PHF19: variants seen among roughly 807,000 people sequenced by gnomAD.
PHF19 encodes the protein PHD finger protein 19, also known as polycomb like 3.
A neutral mutation model predicts 79.8 loss-of-function variants in PHF19; 21 were observed. The ratio of observed to expected loss-of-function variants is 0.26; its 90% confidence interval spans 0.19 to 0.38. The LOEUF (loss-of-function observed/expected upper bound fraction) is 0.38, where lower values mean the gene tolerates loss of function less well. PHF19 is among the 10% of genes least tolerant of loss of function. The pLI, the probability that PHF19 is intolerant of heterozygous loss-of-function variation, is 1.00. For missense variants in PHF19, 445 were observed against 744.2 expected, an observed-to-expected ratio of 0.60 and a Z score of 4.68; for synonymous variants, 273 against 296.3, an observed-to-expected ratio of 0.92 and a Z score of 0.81.
At chr9:120,882,621 C>A (rs1437675999) in intron 1 of PHF19, among the ~76,000 whole-genome samples, 2 of 152,016 alleles carry the variant, frequency 1.3e-5, no homozygotes, top group Non-Finnish European at 2.9e-5. Context: ...GTGGGCGGAT[C>A]ACCTGAGGTC....
intron 6 of PHF19, among the ~76,000 whole-genome samples, chr9:120,867,763 T>C (rs1171513673): frequency 6.6e-6 from 1 of 152,210 alleles, no homozygotes; most frequent in African/African-American, 2.4e-5. Context: ...AGTTCAAGCT[T>C]TGCCCAAGTT....
Position 120,869,438 on chromosome 9 carries a change from A to G in PHF19, c.466-108T>C. 7.3e-7 allele frequency: 1 copy of G among 1,369,332 alleles called. No individual in the cohort carries two copies. The highest frequency in any genetic ancestry group is 9.8e-7 in the Non-Finnish European group (1 of 1,018,844). 84.8% of individuals were successfully genotyped at this position (1,369,332 alleles called of 1,614,324 possible). ...TGCTGCCAGGGCTTGGGGGACCCGC[A>G]GATATTCCAATATAGTCAGAAAAGC... On this transcript the variant is annotated intron_variant, in intron 5 of 14. Coordinates refer to ENST00000373896, the MANE Select transcript of PHF19 (RefSeq NM_015651.3). The surrounding 1 kb of genome is among the most constrained non-coding windows in gnomAD (Gnocchi z 5.8).
upstream of PHF19, among the ~76,000 whole-genome samples, chr9:120,878,144 C>T (rs1268894305): frequency 1.3e-5 from 2 of 152,210 alleles, no homozygotes; most frequent in East Asian, 3.9e-4. Flanking sequence ...CCGAAATAGC[C>T]CCAAACAACA....
At chr9:120,859,490 A>G (rs1035187436) in intron 14 of PHF19, among the ~76,000 whole-genome samples, 2 of 152,144 alleles carry the variant, frequency 1.3e-5, no homozygotes, top group African/African-American at 4.8e-5. Context: ...GCTTGAGTGC[A>G]GAGGAAAGCC....
Position 120,862,026 on chromosome 9 carries a change from G to C in PHF19, c.1131-21C>G, listed in dbSNP as rs774276725. 10 of 1,591,980 alleles carry C rather than the reference G, an allele frequency of 6.3e-6. No individual in the cohort carries two copies. The highest frequency in any genetic ancestry group is 6.9e-6 in the Non-Finnish European group (8 of 1,159,904). On this transcript the variant is annotated intron_variant, in intron 11 of 14. Transcript: ENST00000373896. The surrounding 1 kb of genome is among the most constrained non-coding windows in gnomAD (Gnocchi z 4.6). ...ACAAACTGTGGAGACAGAAGAGGGA[G>C]AAGGTGGCCCCGTCAGAGCCTGAGG...
rs748894723 is a variant in PHF19 at position 120,865,879 on chromosome 9, C to G, written c.780-49G>C. The stretch of plus-strand genomic sequence containing the variant: ...GGACCAGGTGAGGTGGCAGCCTGCT[C>G]AGCCAGGGTCACAGCTTTCTGGGTC... On this transcript the variant is annotated intron_variant, in intron 8 of 14. Transcript: ENST00000373896. The G allele has an allele frequency of 3.7e-6, 6 of 1,613,136 alleles. No homozygotes were observed. The South Asian group carries it at 6.6e-5, about 18-fold the overall frequency.
chr9:120,865,339 G>A (rs763709679), intron 9 of PHF19, among the ~76,000 whole-genome samples: 13 of 152,324 alleles, frequency 8.5e-5, no homozygotes, highest in East Asian at 5.8e-4. Context: ...ATTTCACTCC[G>A]TGGATCTGAG....
intron 10 of PHF19, 102 bp downstream of exon 10, chr9:120,863,947 T>G: frequency 1.1e-6 from 1 of 918,556 alleles, no homozygotes; most frequent in Non-Finnish European, 1.7e-6. Context: ...AGAAGGGGAG[T>G]ATCAGAGAGG....
upstream of PHF19, among the ~76,000 whole-genome samples, chr9:120,895,541 C>T (rs558965504): frequency 3.3e-5 from 5 of 151,816 alleles, no homozygotes; most frequent in Admixed American, 2.6e-4. Context: ...AAGCATAGAA[C>T]CCCCCAGTGA....
chr9:120,857,851 T>G lies in PHF19; in HGVS notation c.*93A>C. 1.3e-6 allele frequency: 1 copy of G among 757,516 alleles called. No homozygotes were observed. The highest frequency in any genetic ancestry group is 2.1e-6 in the Non-Finnish European group (1 of 475,744). 46.9% of individuals were successfully genotyped at this position (757,516 alleles called of 1,614,324 possible). A position where few individuals can be genotyped will look rare whatever the true frequency, so the allele number is the denominator to read the frequency against. On this transcript the variant is annotated 3_prime_UTR_variant, in exon 15 of 15. Coordinates refer to ENST00000373896, the MANE Select transcript of PHF19 (RefSeq NM_015651.3). ...GCACTTGCAGCTCTGTCCTGCTTCC[T>G]TCTCCCACCCCAGCCTGGAGAAAGC... is the stretch of plus-strand genomic sequence containing the variant.
rs1809948926 is a variant in PHF19 at position 120,862,847 on chromosome 9, G to A, written c.969-98C>T. On this transcript the variant is annotated intron_variant, in intron 10 of 14. Coordinates refer to ENST00000373896, the MANE Select transcript of PHF19 (RefSeq NM_015651.3). This position sits in a 1 kb window ranked among gnomAD's most constrained non-coding sequence, Gnocchi z 4.6. ...TGACACAAGCCTCTCTGCCTCCTTG[G>A]ACCCAGAGCTAAAATCCGGATGGTC... 4 of 1,145,738 alleles carry A rather than the reference G, an allele frequency of 3.5e-6. No homozygotes were observed. Among genetic ancestry groups the A allele is most frequent in the Admixed American group, 3.7e-5 (2 of 54,732 alleles). 71.0% of individuals were successfully genotyped at this position (1,145,738 alleles called of 1,614,324 possible).
At position 120,862,725 on chromosome 9, in the gene PHF19, C is replaced by T. The variant is rs1294196137; in HGVS notation, c.993G>A (p.Lys331=). The T allele has an allele frequency of 6.2e-7, 1 of 1,614,150 alleles. No homozygotes were observed. Among genetic ancestry groups the T allele is most frequent in the Non-Finnish European group, 8.5e-7 (1 of 1,180,008 alleles). ...GCAGGCGGAAGATGCACTTCTTCTT[C>T]TTGATCTCCTTGCCGCAGAGGAACC... ...KSRFLCGKEI[K]KKKCIFRLRI... Residue 331 remains lysine, a synonymous_variant, in exon 11 of 15, where the codon AAG becomes AAA. Coordinates refer to ENST00000373896, the MANE Select transcript of PHF19 (RefSeq NM_015651.3). The surrounding 1 kb of genome is among the most constrained non-coding windows in gnomAD (Gnocchi z 4.6).
intron 8 of PHF19, 37 bp downstream of exon 8, chr9:120,865,991 G>A (rs1392064192): frequency 1.3e-6 from 2 of 1,581,344 alleles, no homozygotes; most frequent in South Asian, 1.1e-5. Context: ...GAAGCTGGGA[G>A]GAGCAGCGGT....
At chr9:120,884,718 G>C (rs557677518) in intron 1 of PHF19, among the ~76,000 whole-genome samples, 2 of 150,248 alleles carry the variant, frequency 1.3e-5, no homozygotes, top group South Asian at 4.2e-4. Context: ...GACCAGCCTG[G>C]CCAACATGGT....
upstream of PHF19, among the ~76,000 whole-genome samples, chr9:120,881,813 G>A (rs1471582651): frequency 6.6e-6 from 1 of 152,198 alleles, no homozygotes; most frequent in Non-Finnish European, 1.5e-5. Flanking sequence ...CTAGGCCAGA[G>A]TGCAGTGGCA....
At chr9:120,861,798 CTTCT>C in intron 12 of PHF19, 116 bp downstream of exon 12, 1 of 763,358 alleles carries the variant, frequency 1.3e-6, no homozygotes, top group Non-Finnish European at 2.4e-6. Context: ...TAGGGACTGG[CTTCT>C]TTAAGGGACA....
At position 120,869,910 on chromosome 9, in the gene PHF19, T is replaced by C. The variant is rs2045842485; in HGVS notation, c.400A>G (p.Ser134Gly). The change falls in exon 5 of 15, where the codon AGT becomes GGT. Residue 134 changes from serine (S) to glycine (G), a missense_variant. Ser to Gly is a moderately conservative substitution (Grantham distance 56). Transcript: ENST00000373896. This position sits in a 1 kb window ranked among gnomAD's most constrained non-coding sequence, Gnocchi z 5.8. Reference protein sequence around the residue: ...HQQCHIPIAGSADQPLLTPWF... With the variant: ...HQQCHIPIAGGADQPLLTPWF... Reference sequence around the variant, plus strand: ...GGTGTGAGCAGGGGCTGGTCAGCACTGCCCGCTATGGGGATGTGGCACTGC... The same window carrying C: ...GGTGTGAGCAGGGGCTGGTCAGCACCGCCCGCTATGGGGATGTGGCACTGC... The C allele has an allele frequency of 6.3e-7, 1 of 1,592,966 alleles. No individual in the cohort carries two copies. The highest frequency in any genetic ancestry group is 1.3e-5 in the African/African-American group (1 of 74,744).
chr9:120,875,123 T>C (rs1169560360), intron 1 of PHF19, among the ~76,000 whole-genome samples: 1 of 152,188 alleles, frequency 6.6e-6, no homozygotes. Flanking sequence ...ACACAGTCCA[T>C]GTGCTCTGGA....
rs2045702462 is a variant in PHF19, at chr9:120,866,383, C to T, written c.711-287G>A. 4.6e-5 allele frequency among the ~76,000 whole-genome samples: 7 copies of T among 152,316 alleles called. No individual in the cohort carries two copies. In the South Asian group the frequency reaches 1.4e-3, roughly 32 times the overall value. On this transcript the variant is annotated intron_variant, in intron 7 of 14. Coordinates refer to ENST00000373896, the MANE Select transcript of PHF19 (RefSeq NM_015651.3). The surrounding 1 kb of genome is among the most constrained non-coding windows in gnomAD (Gnocchi z 5.2). ...TGGGCTGCCATGGTCACCCTCTTCC[C>T]CTCTGAGACAGCCACACACGCAATC...
Sources: allele counts gnomAD v4.1 joint callset (sites outside exome capture counted in the v4.1 genomes callset), GRCh38; gene constraint gnomAD v4.1.1; non-coding constraint Gnocchi (gnomAD v3.1); transcripts MANE v1.5; gene names NCBI Gene and HGNC (gene_info 2026-07-23, HGNC 2026-07-21).